The following MYO19 variants were observed in gnomAD, a reference collection of about 807,000 sequenced individuals.
MYO19 encodes unconventional myosin-XIX.
In MYO19, 132 loss-of-function variants were observed where a neutral mutation model predicts 129.2. That is an observed-to-expected ratio of 1.02 (90% CI 0.89 to 1.18). The LOEUF is 1.18. MYO19 is among the 50% of genes most tolerant of loss of function. The pLI, the probability that MYO19 is intolerant of heterozygous loss-of-function variation, is 0.00. For synonymous variants in MYO19, 531 were observed against 477.2 expected (o/e 1.11, Z -1.47); for missense variants, 1,210 against 1,216.7 (o/e 0.99, Z 0.08).
intron 3 of MYO19, among the ~76,000 whole-genome samples, chr17:36,530,616 C>T (rs1341120910): frequency 6.8e-6 from 1 of 147,180 alleles, no homozygotes; most frequent in African/African-American, 2.6e-5. Context: ...GTAAAAGTGG[C>T]TTTTGTATTT....
intron 6 of MYO19, among the ~76,000 whole-genome samples, chr17:36,524,568 T>C (rs963585185): frequency 4.6e-5 from 7 of 152,212 alleles, no homozygotes; most frequent in Non-Finnish European, 7.3e-5. Flanking sequence ...TGTTGTGGTT[T>C]TGCTACCCAG....
intron 18 of MYO19, among the ~76,000 whole-genome samples, chr17:36,506,083 T>G (rs768152185): frequency 3.9e-4 from 59 of 152,074 alleles, no homozygotes; most frequent in Middle Eastern, 3.4e-3. Flanking sequence ...TGAGAGGTGG[T>G]AGAAAGCAGA....
At chr17:36,527,473 TAAG>T in intron 5 of MYO19, 75 bp downstream of exon 5, 1 of 1,471,340 alleles carries the variant, frequency 6.8e-7, no homozygotes, top group Non-Finnish European at 9.1e-7. Flanking sequence ...AATAGATGAA[TAAG>T]GACAGGGGTA....
In MYO19 at chr17:36,503,957, G is replaced by C. The variant is rs1165843356; in HGVS notation, c.1969C>G (p.Pro657Ala). The C allele has an allele frequency of 6.3e-7, 1 of 1,591,236 alleles. No homozygotes were observed. Among genetic ancestry groups the C allele is most frequent in the South Asian group, 1.1e-5 (1 of 87,064 alleles). ...ETIHISAAGF[P>A]IRVSHRNFVE... ...GTGATCGAGCCCACTCACCGGATGG[G>C]GAAGCCAGCAGCACTGATATGGATG... Residue 657 changes from proline (P) to alanine (A), a missense_variant, in exon 20 of 26, where the codon CCC becomes GCC. Physicochemically the swap from Pro to Ala is conservative, Grantham distance 27. Transcript: ENST00000614623.
At chr17:36,497,552 C>G in intron 25 of MYO19, 1 of 984,092 alleles carries the variant, frequency 1.0e-6, no homozygotes, top group Non-Finnish European at 1.2e-6. Flanking sequence ...AATTTTTCCT[C>G]TTTTCTGTAA....
At chr17:36,540,895 A>G (rs1337223979) in intron 2 of MYO19, among the ~76,000 whole-genome samples, 1 of 152,234 alleles carries the variant, frequency 6.6e-6, no homozygotes. Context: ...TTGAGGGCAG[A>G]GGAGAGGGAA....
intron 6 of MYO19, among the ~76,000 whole-genome samples, chr17:36,521,951 AACC>A (rs1013289494): frequency 6.6e-6 from 1 of 150,708 alleles, no homozygotes; most frequent in African/African-American, 2.4e-5. Flanking sequence ...GAATTGCTTG[AACC>A]CGGGAGGCGG....
intron 2 of MYO19, chr17:36,533,335 G>C (rs2073941490): frequency 1.3e-5 from 2 of 152,204 alleles, no homozygotes; most frequent in Non-Finnish European, 2.9e-5. Flanking sequence ...TCAGGTGAAC[G>C]GTCCAGTGTC....
chr17:36,503,265 G>C, intron 20 of MYO19, 65 bp from the exon 21 acceptor site: 1 of 1,308,376 alleles, frequency 7.6e-7, no homozygotes, highest in South Asian at 1.2e-5. Flanking sequence ...ACGGTTCAGG[G>C]CTCATCAGAA....
Position 36,510,777 on chromosome 17 carries a change from T to G in MYO19, c.1126A>C (p.Arg376=), listed in dbSNP as rs765996929. 1 of 1,608,420 alleles carries G rather than the reference T, an allele frequency of 6.2e-7. No individual in the cohort carries two copies. Among genetic ancestry groups the G allele is most frequent in the African/African-American group, 1.3e-5 (1 of 74,952 alleles). ...TAGATCAGTTTGGCCAGGCAGTCTC[T>G]ACGGGTGTCACACTCGGCTCGGGCG... The part of the protein sequence containing the change: ...PCARAECDTR[R]DCLAKLIYAR... The change falls in exon 13 of 26, where the codon AGA becomes CGA. Residue 376 remains arginine, a synonymous_variant. Transcript: ENST00000614623.
chr17:36,496,154 A>G lies in MYO19; in HGVS notation c.*97T>C. 2 of 1,475,520 alleles carry G rather than the reference A, an allele frequency of 1.4e-6. No individual in the cohort carries two copies. Among genetic ancestry groups the G allele is most frequent in the African/African-American group, 2.8e-5 (2 of 72,388 alleles). 91.4% of individuals were successfully genotyped at this position (1,475,520 alleles called of 1,614,324 possible). A position where few individuals can be genotyped will look rare whatever the true frequency, so the allele number is the denominator to read the frequency against. On this transcript the variant is annotated 3_prime_UTR_variant, in exon 26 of 26. Transcript: ENST00000614623. ...GTCACTGTTGTTCATGTGCATTTGG[A>G]GCACTGTGGGAATAGTCTGGCAGCT...
intron 9 of MYO19, among the ~76,000 whole-genome samples, chr17:36,513,963 A>C (rs184622147): frequency 3.3e-5 from 5 of 152,286 alleles, no homozygotes; most frequent in Admixed American, 6.5e-5. Flanking sequence ...CTGGTGAAAA[A>C]AGGACAACTC....
At position 36,511,537 on chromosome 17, in the gene MYO19, A is replaced by G. The variant is rs2072328091; in HGVS notation, c.895-82T>C. ...TGGGAAGGGCCGTTCTGCTGAGTAC[A>G]ATCACGACAGCAGAAGGGCAGCTCC... On this transcript the variant is annotated intron_variant, in intron 11 of 25. Coordinates refer to ENST00000614623, the MANE Select transcript of MYO19 (RefSeq NM_001163735.2). 2.4e-6 allele frequency: 3 copies of G among 1,239,396 alleles called. No individual in the cohort carries two copies. The South Asian group carries it at 3.9e-5, about 16-fold the overall frequency. The allele number at this position is 1,239,396 out of a possible 1,614,324, so 76.8% of individuals were successfully genotyped here. A position where few individuals can be genotyped will look rare whatever the true frequency, so the allele number is the denominator to read the frequency against.
At chr17:36,496,585 A>C (rs371779458) in intron 25 of MYO19, among the ~76,000 whole-genome samples, 179 bp from the exon 26 acceptor site, 3 of 152,156 alleles carry the variant, frequency 2.0e-5, no homozygotes, top group Non-Finnish European at 4.4e-5. Context: ...AGGAAACCCT[A>C]GGAGGAGGCG....
At chr17:36,500,612 CA>C (rs1377598013) in intron 23 of MYO19, 1 of 613,706 alleles carries the variant, frequency 1.6e-6, no homozygotes, top group African/African-American at 1.8e-5. Context: ...CCACTTCTTA[CA>C]GAGCACCTTT....
chr17:36,506,719 G>A, intron 17 of MYO19, 111 bp from the exon 18 acceptor site: 1 of 1,309,962 alleles, frequency 7.6e-7, no homozygotes. Flanking sequence ...GACAGGGCCT[G>A]AGTCCAAGAG....
rs558650445 is a variant in MYO19 at position 36,515,715 on chromosome 17, T to C, written c.547+143A>G. ...GATGCTAAGGAGTACCAGGGAGAGG[T>C]TGGGGATCTGAGGCAGTGAAGGATA... On this transcript the variant is annotated intron_variant, in intron 7 of 25. Transcript: ENST00000614623. 2.2e-4 allele frequency: 173 copies of C among 785,014 alleles called. 1 individual carries two copies. In the East Asian group the frequency reaches 4.4e-3, roughly 20 times the overall value. 48.6% of individuals were successfully genotyped at this position (785,014 alleles called of 1,614,324 possible). A position where few individuals can be genotyped will look rare whatever the true frequency, so the allele number is the denominator to read the frequency against.
Position 36,531,932 on chromosome 17 carries a change from T to C in MYO19, c.12+595A>G, listed in dbSNP as rs17138374. 0.01 allele frequency among the ~76,000 whole-genome samples: 1,566 copies of C among 152,278 alleles called. 63 individuals are homozygous for C. The East Asian group carries it at 0.16, about 16-fold the overall frequency. ...CTCTCTCAGGACCAAGAGTTACACA[T>C]GAAGGATGATATGGGTATGAGAGAG... On this transcript the variant is annotated intron_variant, in intron 3 of 25. Transcript: ENST00000614623.
At chr17:36,499,266 G>T (rs188534455) in intron 23 of MYO19, 106 bp from the exon 24 acceptor site, 18 of 554,146 alleles carry the variant, frequency 3.2e-5, no homozygotes, top group Non-Finnish European at 4.5e-5. Flanking sequence ...TTTCAAATAC[G>T]TTTTTTTTTT....
Sources: gnomAD v4.1 joint callset for allele counts (sites outside exome capture counted in the v4.1 genomes callset) on GRCh38, gnomAD v4.1.1 for gene constraint, MANE v1.5 for transcripts, NCBI Gene and HGNC (gene_info 2026-07-23, HGNC 2026-07-21) for gene names.